Variants in PAM observed in about 807,000 individuals in gnomAD.
The protein encoded by PAM is peptidyl-glycine alpha-amidating monooxygenase.
PAM carries 72 observed loss-of-function variants against 122.1 expected under a neutral mutation model. That is an observed-to-expected ratio of 0.59 (90% CI 0.49 to 0.72). The LOEUF (loss-of-function observed/expected upper bound fraction) is 0.72, where lower values mean the gene tolerates loss of function less well. Among genes scored for constraint, PAM ranks in the 30% least tolerant of loss-of-function variants. The pLI is 0.00. For synonymous variants in PAM, 389 were observed against 404.4 expected, an observed-to-expected ratio of 0.96 and a Z score of 0.46; for missense variants, 1,106 against 1,183.7, an observed-to-expected ratio of 0.93 and a Z score of 0.96.
intron 3 of PAM, among the ~76,000 whole-genome samples, chr5:102,901,101 A>T (rs1797693117): frequency 2.0e-5 from 3 of 151,598 alleles, no homozygotes; most frequent in Admixed American, 6.6e-5. Context: ...TAACTTAGAG[A>T]GTATTAGAAA....
chr5:102,767,370 G>A (rs902582897), intron 1 of PAM, among the ~76,000 whole-genome samples: 1 of 152,120 alleles, frequency 6.6e-6, no homozygotes, highest in Non-Finnish European at 1.5e-5. Flanking sequence ...TTTATCAGAT[G>A]AGCATGCTTT....
chr5:102,862,842 A>T (rs1435758740), intron 1 of PAM, among the ~76,000 whole-genome samples: 3 of 152,214 alleles, frequency 2.0e-5, no homozygotes, highest in Non-Finnish European at 4.4e-5. Flanking sequence ...GCTAATAAAT[A>T]GTGGACCCAG....
intron 1 of PAM, among the ~76,000 whole-genome samples, chr5:102,812,438 A>G (rs1768214176): frequency 6.6e-6 from 1 of 152,116 alleles, no homozygotes; most frequent in South Asian, 2.1e-4. Context: ...TTGGACAGAA[A>G]GCCTAGATTT....
In PAM at chr5:103,006,859, T is replaced by C. The variant is rs745482590; in HGVS notation, c.1862T>C (p.Met621Thr). ...EGPVLILGRS[M>T]QPGSDQNHFC... ...CCTGTATTAATCCTGGGAAGGAGCA[T>C]GCAACCAGGCAGTGACCAGAATCAC... The change falls in exon 19 of 26, where the codon ATG (methionine) becomes ACG (threonine). Residue 621 changes from methionine (M) to threonine (T), a missense_variant. Met to Thr is a moderately conservative substitution (Grantham distance 81, BLOSUM62 -1). Around this residue, in one of 3 missense-constraint regions of PAM, gnomAD observed 103 missense variants for 157.9 expected, o/e 0.65. Coordinates refer to ENST00000438793, the MANE Select transcript of PAM (RefSeq NM_001177306.2). 1 of 1,614,010 alleles carries C rather than the reference T, an allele frequency of 6.2e-7. No individual in the cohort carries two copies. Among genetic ancestry groups the C allele is most frequent in the Non-Finnish European group, 8.5e-7 (1 of 1,179,928 alleles).
rs192805588 is a variant in PAM at position 102,949,355 on chromosome 5, G to A, written c.644-182G>A. Among the ~76,000 whole-genome samples the A allele has an allele frequency of 1.2e-4, 19 of 152,100 alleles. No individual in the cohort carries two copies. The East Asian group carries it at 3.7e-3, about 29-fold the overall frequency. On this transcript the variant is annotated intron_variant, in intron 9 of 25. Coordinates refer to ENST00000438793, the MANE Select transcript of PAM (RefSeq NM_001177306.2). ...AATAAAATAAAAATATAAGGCAAGG[G>A]GTTCTTAATTCATGTGAGTAAAGTG... is the stretch of plus-strand genomic sequence containing the variant.
chr5:102,869,732 G>A (rs960516634), intron 3 of PAM, among the ~76,000 whole-genome samples: 2 of 152,260 alleles, frequency 1.3e-5, no homozygotes, highest in Admixed American at 1.3e-4. Context: ...TGAATTTGGT[G>A]TTCTAGTGAG....
At chr5:102,845,778 G>C (rs552517361) in intron 1 of PAM, among the ~76,000 whole-genome samples, 33 of 152,260 alleles carry the variant, frequency 2.2e-4, no homozygotes, top group African/African-American at 7.9e-4. Context: ...TATGCAAGGT[G>C]CCAGGTTTTC....
chr5:102,948,491 C>G lies in PAM; in HGVS notation c.643+46C>G, dbSNP rs201588715. ...ATTTACCATTACCTCATTACCTAAT[C>G]TGTAGAAATGGATTTATACTGTATT... On this transcript the variant is annotated intron_variant, in intron 9 of 25. Transcript: ENST00000438793. 6.7e-6 allele frequency: 6 copies of G among 891,078 alleles called. No homozygotes were observed. The Admixed American group carries it at 1.1e-4, about 17-fold the overall frequency. The allele number at this position is 891,078 out of a possible 1,614,324, so 55.2% of individuals were successfully genotyped here.
At chr5:102,821,577 G>A (rs1235401155) in intron 1 of PAM, among the ~76,000 whole-genome samples, 2 of 152,034 alleles carry the variant, frequency 1.3e-5, no homozygotes, top group East Asian at 1.9e-4. Context: ...ATTAAATGTC[G>A]TTTGGTTAAT....
At chr5:102,861,549 C>T (rs778400708) in intron 1 of PAM, among the ~76,000 whole-genome samples, 1 of 152,190 alleles carries the variant, frequency 6.6e-6, no homozygotes, top group Non-Finnish European at 1.5e-5. Flanking sequence ...GATATGACAG[C>T]TCTCTTTGGA....
intron 1 of PAM, among the ~76,000 whole-genome samples, chr5:102,758,138 C>T (rs1370754093): frequency 8.0e-6 from 1 of 124,542 alleles, no homozygotes; most frequent in Non-Finnish European, 1.6e-5. Context: ...AAGAATTCCA[C>T]CTGGAAAAGA....
At chr5:102,955,314 ATAGAT>A (rs1760361062) in intron 12 of PAM, among the ~76,000 whole-genome samples, 1 of 152,040 alleles carries the variant, frequency 6.6e-6, no homozygotes, top group African/African-American at 2.4e-5. Context: ...ACCTAGGTAA[ATAGAT>A]TAGACAGATG....
chr5:102,780,265 T>C (rs1263573423), intron 1 of PAM, among the ~76,000 whole-genome samples: 1 of 152,054 alleles, frequency 6.6e-6, no homozygotes, highest in Non-Finnish European at 1.5e-5. Flanking sequence ...TTGGAAGATA[T>C]GCCCCGAGGA....
At chr5:102,821,685 A>G (rs1247622820) in intron 1 of PAM, among the ~76,000 whole-genome samples, 2 of 152,146 alleles carry the variant, frequency 1.3e-5, no homozygotes, top group South Asian at 4.1e-4. Context: ...GTACTGTTAT[A>G]ATTACCTTAT....
At chr5:102,922,699 T>C (rs988301132) in intron 5 of PAM, among the ~76,000 whole-genome samples, 2 of 152,230 alleles carry the variant, frequency 1.3e-5, no homozygotes, top group African/African-American at 4.8e-5. Flanking sequence ...AGGAAACAGT[T>C]ATCTTGTTTA....
chr5:102,922,834 A>C (rs1390431540), intron 5 of PAM, among the ~76,000 whole-genome samples: 1 of 152,220 alleles, frequency 6.6e-6, no homozygotes, highest in Non-Finnish European at 1.5e-5. Flanking sequence ...TACAAAGTTC[A>C]ACACATTTGA....
chr5:102,994,807 C>G (rs1775177622), intron 16 of PAM, among the ~76,000 whole-genome samples: 1 of 152,042 alleles, frequency 6.6e-6, no homozygotes. Flanking sequence ...CTTAATTAGC[C>G]AGAGACTTTG....
intron 7 of PAM, among the ~76,000 whole-genome samples, chr5:102,937,008 A>G (rs1238500330): frequency 6.6e-6 from 1 of 152,168 alleles, no homozygotes; most frequent in Non-Finnish European, 1.5e-5. Context: ...AATTCTCTTA[A>G]GAAAAGGGGA....
chr5:102,766,926 ATTTTTT>A, intron 1 of PAM, among the ~76,000 whole-genome samples: 280 of 25,856 alleles, frequency 0.011, 23 homozygotes, highest in Non-Finnish European at 0.018. Flanking sequence ...TCAGTTGTGG[ATTTTTT>A]TTTTTTTTTT....
Sources: gnomAD v4.1 joint callset for allele counts (sites outside exome capture counted in the v4.1 genomes callset) on GRCh38, gnomAD v4.1.1 for gene constraint, gnomAD v4.1.1 regional missense constraint, MANE v1.5 for transcripts, NCBI Gene and HGNC (gene_info 2026-07-23, HGNC 2026-07-21) for gene names.